The following PHLPP1 variants were observed in gnomAD, a reference collection of about 807,000 sequenced individuals.
PHLPP1 encodes the protein PH domain leucine-rich repeat-containing protein phosphatase 1.
PHLPP1 carries 42 observed loss-of-function variants against 117.2 expected under a neutral mutation model. The ratio of observed to expected loss-of-function variants is 0.36; its 90% CI spans 0.28 to 0.46. The LOEUF is 0.46. Ranked by LOEUF, PHLPP1 falls within the 20% of genes least tolerant of loss-of-function variation. The probability of loss-of-function intolerance (pLI) is 1.00; values close to 1 mark genes in which losing one functional copy is unlikely to be tolerated. For synonymous variants in PHLPP1, 1,042 were observed against 970.7 expected, an observed-to-expected ratio of 1.07 and a Z score of -1.37; for missense variants, 2,084 against 2,241.9, an observed-to-expected ratio of 0.93 and a Z score of 1.42.
At chr18:62,960,225 C>T (rs1206657363) in intron 13 of PHLPP1, among the ~76,000 whole-genome samples, 1 of 152,032 alleles carries the variant, frequency 6.6e-6, no homozygotes, top group Non-Finnish European at 1.5e-5. Flanking sequence ...ACACCAAAAT[C>T]CAGCTGAAAT....
intron 10 of PHLPP1, among the ~76,000 whole-genome samples, chr18:62,931,367 A>G (rs950797029): frequency 3.3e-5 from 5 of 152,146 alleles, no homozygotes; most frequent in Non-Finnish European, 5.9e-5. Context: ...TTATACCACT[A>G]AGTGCCTACA....
chr18:62,815,386 T>C (rs1332159612), intron 1 of PHLPP1, among the ~76,000 whole-genome samples: 1 of 152,020 alleles, frequency 6.6e-6, no homozygotes, highest in Non-Finnish European at 1.5e-5. Context: ...CTCAATCTCC[T>C]GACCTAGTGA....
chr18:62,784,983 G>A (rs920763823), intron 1 of PHLPP1, among the ~76,000 whole-genome samples: 1 of 152,152 alleles, frequency 6.6e-6, no homozygotes, highest in African/African-American at 2.4e-5. Context: ...TATAACGAAG[G>A]CAATTAAATC....
chr18:62,715,766 C>G lies in PHLPP1; in HGVS notation c.83C>G (p.Ala28Gly). ...EDRASAPAAA[A>G]AAAAAAAAAA... The stretch of plus-strand genomic sequence containing the variant: ...CGAGCTTCGGCTCCGGCGGCCGCCG[C>G]TGCGGCAGCAGCAGCAGCAGCGGCG... Residue 28 changes from alanine (A) to glycine (G), a missense_variant, in exon 1 of 17, where the codon GCT becomes GGT. By Grantham distance (60) the Ala-to-Gly change is moderately conservative. Transcript: ENST00000262719. The G allele has an allele frequency of 2.1e-5, 20 of 970,998 alleles. No homozygotes were observed. Among genetic ancestry groups the G allele is most frequent in the East Asian group, 5.4e-5 (1 of 18,384 alleles). The allele number at this position is 970,998 out of a possible 1,614,324, so 60.1% of individuals were successfully genotyped here.
intron 4 of PHLPP1, among the ~76,000 whole-genome samples, chr18:62,888,188 A>C (rs114110280): frequency 7.2e-5 from 11 of 152,226 alleles, no homozygotes; most frequent in African/African-American, 2.4e-4. Context: ...CCACTTATCT[A>C]TGTTGAACAG....
chr18:62,974,786 CCTTT>C (rs1419742057), intron 15 of PHLPP1, among the ~76,000 whole-genome samples: 1 of 152,130 alleles, frequency 6.6e-6, no homozygotes, highest in Non-Finnish European at 1.5e-5. Context: ...ACTAGAATGT[CCTTT>C]CTATGAGTTT....
At chr18:62,823,165 G>A (rs746309711) in intron 1 of PHLPP1, among the ~76,000 whole-genome samples, 10 of 151,970 alleles carry the variant, frequency 6.6e-5, no homozygotes, top group Admixed American at 3.3e-4. Context: ...TATAAAAGAC[G>A]AATCAAATAA....
At chr18:62,825,736 A>G (rs1914595548) in intron 1 of PHLPP1, among the ~76,000 whole-genome samples, 2 of 152,164 alleles carry the variant, frequency 1.3e-5, no homozygotes, top group East Asian at 3.9e-4. Flanking sequence ...TTACAGGCAT[A>G]AGCCACTGCA....
At chr18:62,759,439 G>C (rs1277565248) in intron 1 of PHLPP1, among the ~76,000 whole-genome samples, 4 of 152,140 alleles carry the variant, frequency 2.6e-5, no homozygotes, top group African/African-American at 9.7e-5. Flanking sequence ...TATTTCTTTG[G>C]AAATGCAACA....
chr18:62,755,192 C>A (rs1383147098), intron 1 of PHLPP1, among the ~76,000 whole-genome samples: 1 of 151,958 alleles, frequency 6.6e-6, no homozygotes, highest in South Asian at 2.1e-4. Context: ...TCATTATAAT[C>A]CTTTCATTCT....
At chr18:62,903,212 AT>A in intron 7 of PHLPP1, 46 bp downstream of exon 7, 2 of 1,242,504 alleles carry the variant, frequency 1.6e-6, no homozygotes, top group East Asian at 2.3e-5. Context: ...GGTTCCAGGA[AT>A]TTACCCAGCA....
At position 62,775,258 on chromosome 18, in the gene PHLPP1, C is replaced by T. The variant is rs759944948; in HGVS notation, c.1577-54777C>T. ...GATTATAGGCGCCTACCACCACGCC[C>T]GGCTAATTTTTTGTATTTTTAGTAG... On this transcript the variant is annotated intron_variant, in intron 1 of 16. Transcript: ENST00000262719. 8.5e-5 allele frequency among the ~76,000 whole-genome samples: 13 copies of T among 152,160 alleles called. No homozygotes were observed. In the South Asian group the frequency reaches 1.5e-3, roughly 17 times the overall value.
intron 10 of PHLPP1, among the ~76,000 whole-genome samples, chr18:62,936,383 A>AAAATAG (rs1909966693): frequency 1.3e-5 from 2 of 152,236 alleles, no homozygotes; most frequent in Non-Finnish European, 2.9e-5. Flanking sequence ...GGGAATCATG[A>AAAATAG]AAATAGAAAA....
At chr18:62,905,089 C>A in intron 7 of PHLPP1, 135 bp from the exon 8 acceptor site, 1 of 447,922 alleles carries the variant, frequency 2.2e-6, no homozygotes. Context: ...CAAAGTTAAA[C>A]AAATGATGTA....
chr18:62,854,790 A>G (rs934317003), intron 3 of PHLPP1, among the ~76,000 whole-genome samples: 1 of 147,328 alleles, frequency 6.8e-6, no homozygotes, highest in Non-Finnish European at 1.5e-5. Context: ...TCCGCCTCCC[A>G]GGTTCAAGTG....
chr18:62,839,059 TA>T (rs1362152820), intron 3 of PHLPP1, 150 bp downstream of exon 3: 1 of 746,928 alleles, frequency 1.3e-6, no homozygotes, highest in East Asian at 2.7e-5. Flanking sequence ...TTTAGTTTTT[TA>T]AAAACTAATT....
In PHLPP1 at chr18:62,715,875, C is replaced by A; in HGVS notation, c.192C>A (p.Asn64Lys). ...ALTPAAPSGG[N>K]GSGSGAREEA... ...CCCCGGCGGCCCCGAGCGGCGGGAA[C>A]GGCAGCGGCAGCGGGGCGCGGGAAG... The change falls in exon 1 of 17, where the codon AAC (asparagine) becomes AAA (lysine). Residue 64 changes from asparagine to lysine, a missense_variant. By Grantham distance (94) the Asn-to-Lys change is moderately conservative (BLOSUM62 0). Around this residue, in one of 2 missense-constraint regions of PHLPP1, gnomAD observed 719 missense variants for 636.0 expected, o/e 1.13. Transcript: ENST00000262719. 1.2e-6 allele frequency: 1 copy of A among 827,402 alleles called. No homozygotes were observed. The highest frequency in any genetic ancestry group is 1.5e-6 in the Non-Finnish European group (1 of 686,046). 51.3% of individuals were successfully genotyped at this position (827,402 alleles called of 1,614,324 possible).
intron 10 of PHLPP1, among the ~76,000 whole-genome samples, chr18:62,929,433 T>C (rs1245440669): frequency 6.6e-6 from 1 of 152,152 alleles, no homozygotes; most frequent in Non-Finnish European, 1.5e-5. Context: ...TAATAGTGGG[T>C]ACCATGCTGG....
At chr18:62,971,780 T>G (rs1911055181) in intron 14 of PHLPP1, among the ~76,000 whole-genome samples, 1 of 152,222 alleles carries the variant, frequency 6.6e-6, no homozygotes, top group Non-Finnish European at 1.5e-5. Context: ...CTCACACCTG[T>G]AATCCCAGCA....
Sources: gnomAD v4.1 joint callset for allele counts (sites outside exome capture counted in the v4.1 genomes callset) on GRCh38, gnomAD v4.1.1 for gene constraint, gnomAD v4.1.1 regional missense constraint, MANE v1.5 for transcripts, NCBI Gene and HGNC (gene_info 2026-07-23, HGNC 2026-07-21) for gene names.